USP25: variants seen among roughly 807,000 people sequenced by gnomAD.
The protein encoded by USP25 is ubiquitin specific peptidase 25.
Under a neutral mutation model 158.5 loss-of-function variants are expected in USP25, and 85 were observed. The ratio of observed to expected loss-of-function variants is 0.54; its 90% CI spans 0.45 to 0.64. The LOEUF is 0.64. Ranked by LOEUF, USP25 falls within the 30% of genes least tolerant of loss-of-function variation. The pLI, the probability that USP25 is intolerant of heterozygous loss-of-function variation, is 0.00. For missense variants in USP25, 1,242 were observed against 1,327.3 expected, an observed-to-expected ratio of 0.94 and a Z score of 1.00; for synonymous variants, 464 against 460.4, an observed-to-expected ratio of 1.01 and a Z score of -0.10.
chr21:15,772,983 A>G (rs2034442345), intron 3 of USP25, among the ~76,000 whole-genome samples: 1 of 135,948 alleles, frequency 7.4e-6, no homozygotes, highest in South Asian at 2.2e-4. Context: ...TAGGAAGATC[A>G]TGGAAGAAAA....
At chr21:15,830,408 T>C (rs919712310) in intron 14 of USP25, 123 bp from the exon 15 acceptor site, 1 of 691,588 alleles carries the variant, frequency 1.4e-6, no homozygotes. Flanking sequence ...TAATGTTTTT[T>C]AAGAAAAGTT....
intron 4 of USP25, among the ~76,000 whole-genome samples, chr21:15,787,902 A>ACCCCCCCCCCCCCC (rs5842545): frequency 5.4e-4 from 45 of 83,628 alleles, no homozygotes; most frequent in Non-Finnish European, 9.5e-4. Flanking sequence ...ACACCCCCTC[A>ACCCCCCCCCCCCCC]CCCCCCCCCC....
chr21:15,796,713 G>T (rs752311364), intron 5 of USP25, among the ~76,000 whole-genome samples: 1 of 151,342 alleles, frequency 6.6e-6, no homozygotes, highest in Non-Finnish European at 1.5e-5. Flanking sequence ...CTCCCTGCCT[G>T]CCAGAGCAAA....
chr21:15,852,587 A>G (rs913493882), intron 20 of USP25, among the ~76,000 whole-genome samples: 2 of 152,154 alleles, frequency 1.3e-5, no homozygotes, highest in Admixed American at 6.5e-5. Context: ...TCTGGTCCAC[A>G]TATAGTCGGA....
Position 15,791,609 on chromosome 21 carries a change from C to T in USP25, c.500C>T (p.Ala167Val), listed in dbSNP as rs1214152267. Residue 167 changes from alanine to valine, a missense_variant, in exon 5 of 26, where the codon GCT (alanine) becomes GTT (valine). Ala to Val is a moderately conservative substitution (Grantham distance 64). Around this residue, in one of 3 missense-constraint regions of USP25, gnomAD observed 627 missense variants for 701.4 expected, o/e 0.89. Coordinates refer to ENST00000400183, the MANE Select transcript of USP25 (RefSeq NM_001283041.3). Reference protein sequence around the residue: ...NPYDRKRQDKAPVGLKNVGNT... With the variant: ...NPYDRKRQDKVPVGLKNVGNT... ...TATGATAGAAAAAGACAGGACAAAG[C>T]TCCCGTTGGGCTAAAGAATGTTGGC... The T allele has an allele frequency of 2.5e-6, 4 of 1,611,224 alleles. No homozygotes were observed. In the Admixed American group the frequency reaches 5.0e-5, roughly 20 times the overall value.
intron 6 of USP25, among the ~76,000 whole-genome samples, chr21:15,802,430 C>T (rs1600960081): frequency 6.6e-6 from 1 of 151,436 alleles, no homozygotes; most frequent in East Asian, 1.9e-4. Context: ...GGATTCAAAG[C>T]ATACAAAATA....
rs2036940664 is a variant in USP25 at position 15,816,458 on chromosome 21, T to C, written c.932-2240T>C. On this transcript the variant is annotated intron_variant, in intron 9 of 25. Coordinates refer to ENST00000400183, the MANE Select transcript of USP25 (RefSeq NM_001283041.3). The surrounding 1 kb of genome is among the most constrained non-coding windows in gnomAD (Gnocchi z 4.0). ...CTTCTTCCTCCTTTTTCCTATTCTT[T>C]CCTTAAAAACACATTTCTCTGGCTT... is the stretch of plus-strand genomic sequence containing the variant. Among the ~76,000 whole-genome samples, 1 of 152,212 alleles carries C rather than the reference T, an allele frequency of 6.6e-6. No homozygotes were observed. The highest frequency in any genetic ancestry group is 1.5e-5 in the Non-Finnish European group (1 of 68,046).
chr21:15,813,786 C>T (rs2036794401), intron 9 of USP25, among the ~76,000 whole-genome samples: 1 of 150,176 alleles, frequency 6.7e-6, no homozygotes, highest in African/African-American at 2.4e-5. Context: ...TGATTACTCC[C>T]CATTTATTAA....
intron 1 of USP25, among the ~76,000 whole-genome samples, chr21:15,749,112 A>G (rs2032796104): frequency 6.6e-6 from 1 of 152,036 alleles, no homozygotes; most frequent in Non-Finnish European, 1.5e-5. Flanking sequence ...AGAGCAGGAT[A>G]CACTTGCTGT....
At chr21:15,857,327 T>C (rs1278939366) in intron 20 of USP25, among the ~76,000 whole-genome samples, 3 of 152,128 alleles carry the variant, frequency 2.0e-5, no homozygotes, top group Non-Finnish European at 4.4e-5. Flanking sequence ...TGTGCATATA[T>C]TATTGAACAC....
At chr21:15,772,308 A>G (rs188687962) in intron 3 of USP25, among the ~76,000 whole-genome samples, 2 of 152,286 alleles carry the variant, frequency 1.3e-5, no homozygotes, top group East Asian at 3.9e-4. Flanking sequence ...GTTTTGATAT[A>G]TATTTCTCAC....
intron 18 of USP25, among the ~76,000 whole-genome samples, chr21:15,845,179 C>T (rs191975993): frequency 3.3e-5 from 5 of 152,164 alleles, no homozygotes; most frequent in African/African-American, 9.6e-5. Context: ...ACTTAGATAG[C>T]TTTTTTGTCA....
intron 20 of USP25, among the ~76,000 whole-genome samples, chr21:15,851,278 C>T (rs1416274958): frequency 6.6e-6 from 1 of 152,034 alleles, no homozygotes; most frequent in East Asian, 1.9e-4. Flanking sequence ...TAAATAATCA[C>T]CTAATTGTAT....
chr21:15,788,768 T>C (rs1472407694), intron 4 of USP25, among the ~76,000 whole-genome samples: 1 of 152,128 alleles, frequency 6.6e-6, no homozygotes, highest in Non-Finnish European at 1.5e-5. Context: ...GATAAACCCA[T>C]TTCTTTAAAA....
At chr21:15,845,480 T>C (rs1382075678) in intron 18 of USP25, among the ~76,000 whole-genome samples, 1 of 152,134 alleles carries the variant, frequency 6.6e-6, no homozygotes, top group East Asian at 1.9e-4. Context: ...AATTATTATA[T>C]GTGGCAAAGT....
chr21:15,762,769 T>G, intron 1 of USP25, 122 bp from the exon 2 acceptor site: 1 of 808,938 alleles, frequency 1.2e-6, no homozygotes, highest in Non-Finnish European at 1.9e-6. Context: ...TTTCCTTTTT[T>G]ACTCTAGTTT....
At chr21:15,774,188 G>A (rs1410768457) in intron 3 of USP25, among the ~76,000 whole-genome samples, 2 of 152,134 alleles carry the variant, frequency 1.3e-5, no homozygotes, top group Non-Finnish European at 2.9e-5. Context: ...TTCATGTTAT[G>A]TTGCATTAAA....
At chr21:15,855,241 T>G (rs1223243777) in intron 20 of USP25, among the ~76,000 whole-genome samples, 1 of 152,186 alleles carries the variant, frequency 6.6e-6, no homozygotes, top group Non-Finnish European at 1.5e-5. Context: ...TATAAAAATT[T>G]TTTCTTAATA....
At chr21:15,747,209 A>G (rs1027866593) in intron 1 of USP25, among the ~76,000 whole-genome samples, 30 of 152,086 alleles carry the variant, frequency 2.0e-4, no homozygotes, top group Admixed American at 1.5e-3. Context: ...TCTATTTACA[A>G]TAGTCCACGT....
Sources: allele counts gnomAD v4.1 joint callset (sites outside exome capture counted in the v4.1 genomes callset), GRCh38; gene constraint gnomAD v4.1.1; regional missense constraint gnomAD v4.1.1; non-coding constraint Gnocchi (gnomAD v3.1); transcripts MANE v1.5; gene names NCBI Gene and HGNC (gene_info 2026-07-23, HGNC 2026-07-21).